DCAF4L2: variants seen among roughly 807,000 people sequenced by gnomAD.
DCAF4L2 encodes DDB1- and CUL4-associated factor 4-like protein 2.
DCAF4L2 carries 13 observed loss-of-function variants against 15.5 expected under a neutral mutation model. The ratio of observed to expected loss-of-function variants is 0.84; its 90% CI spans 0.54 to 1.33. The LOEUF is 1.33. DCAF4L2 is among the 40% of genes most tolerant of loss of function. DCAF4L2 has a pLI of 0.00. For synonymous variants in DCAF4L2, 251 were observed against 207.0 expected, an observed-to-expected ratio of 1.21 and a Z score of -1.83; for missense variants, 519 against 509.6, an observed-to-expected ratio of 1.02 and a Z score of -0.18.
Position 87,873,435 on chromosome 8 carries a change from A to C in DCAF4L2, c.537T>G (p.Ser179Arg). 1 of 1,614,224 alleles carries C rather than the reference A, an allele frequency of 6.2e-7. No individual in the cohort carries two copies. The change falls in exon 1 of 1, where the codon AGT becomes AGG. Residue 179 changes from serine (S) to arginine (R), a missense_variant. Ser to Arg is a moderately radical substitution (Grantham distance 110). Coordinates refer to ENST00000319675, the MANE Select transcript of DCAF4L2 (RefSeq NM_152418.4). ...PGMRRPGMLC[S>R]FQIPDAWSCA... is the part of the protein sequence containing the mutation. ...AGGACCAGGCATCAGGGATCTGGAA[A>C]CTGCAAAGCATGCCAGGCCGACGCA...
rs118036816 is a variant in DCAF4L2, at chr8:87,873,561, G to C, written c.411C>G (p.His137Gln). The change falls in exon 1 of 1, where the codon CAC becomes CAG. Residue 137 changes from histidine (H) to glutamine (Q), a missense_variant. Coordinates refer to ENST00000319675, the MANE Select transcript of DCAF4L2 (RefSeq NM_152418.4). ...VNSMCWASLN[H>Q]LDSHLLLCFV... ...AGCACAGCAGAAGGTGGGAATCCAA[G>C]TGATTCAGTGAGGCCCAGCACATAG... is the stretch of plus-strand genomic sequence containing the variant. 6.1e-5 allele frequency: 99 copies of C among 1,614,074 alleles called. No homozygotes were observed. Among genetic ancestry groups the C allele is most frequent in the Non-Finnish European group, 8.0e-5 (94 of 1,180,058 alleles).
At position 87,873,683 on chromosome 8, in the gene DCAF4L2, A is replaced by G; in HGVS notation, c.289T>C (p.Ser97Pro). The change falls in exon 1 of 1, where the codon TCC (serine) becomes CCC (proline). Residue 97 changes from serine to proline, a missense_variant. Physicochemically the swap from Ser to Pro is moderately conservative, Grantham distance 74. Coordinates refer to ENST00000319675, the MANE Select transcript of DCAF4L2 (RefSeq NM_152418.4). ...CGCATGGTGATGATGCCGTACTTGGAGCCTCCAGCTTCGACTTGGTTCACT... is the reference window on the plus strand; with the variant it reads ...CGCATGGTGATGATGCCGTACTTGGGGCCTCCAGCTTCGACTTGGTTCACT... The part of the protein sequence containing the change: ...FTVNQVEAGG[S>P]KYGIITMRGL... 1 of 1,614,146 alleles carries G rather than the reference A, an allele frequency of 6.2e-7. No individual in the cohort carries two copies. Among genetic ancestry groups the G allele is most frequent in the South Asian group, 1.1e-5 (1 of 91,088 alleles).
Position 87,872,962 on chromosome 8 carries a change from T to C in DCAF4L2, c.1010A>G (p.Tyr337Cys), listed in dbSNP as rs529069612. 8.1e-6 allele frequency: 13 copies of C among 1,614,176 alleles called. No homozygotes were observed. The African/African-American group carries it at 1.7e-4, about 22-fold the overall frequency. Residue 337 changes from tyrosine to cysteine, a missense_variant, in exon 1 of 1, where the codon TAC becomes TGC. Physicochemically the swap from Tyr to Cys is radical, Grantham distance 194. Transcript: ENST00000319675. ...GVVAAVGQDC[Y>C]TRIWSLRHGH... ...ATGACGGAGGCTCCAGATTCTCGTG[T>C]AGCAGTCCTGGCCCACGGCCGCCAC...
chr8:87,873,075 C>G lies in DCAF4L2; in HGVS notation c.897G>C (p.Leu299Phe), dbSNP rs373840760. Residue 299 changes from leucine to phenylalanine, a missense_variant, in exon 1 of 1, where the codon TTG (leucine) becomes TTC (phenylalanine). Coordinates refer to ENST00000319675, the MANE Select transcript of DCAF4L2 (RefSeq NM_152418.4). ...DMTGTIKLWDLRATKCVTQYE... is the reference protein window; with the variant it reads ...DMTGTIKLWDFRATKCVTQYE... ...ACTGTGTTACACATTTAGTGGCCCT[C>G]AAGTCCCACAGCTTGATAGTTCCAG... The G allele has an allele frequency of 5.6e-6, 9 of 1,614,194 alleles. No individual in the cohort carries two copies. Among genetic ancestry groups the G allele is most frequent in the Non-Finnish European group, 7.6e-6 (9 of 1,180,044 alleles).
chr8:87,871,071 C>T lies in DCAF4L2; in HGVS notation c.*1713G>A, dbSNP rs1474666052. The stretch of plus-strand genomic sequence containing the variant: ...TTTCAAAAATCTATGCACCTAACCA[C>T]TCTTTTGTATCTTCTCTATTGACCT... On this transcript the variant is annotated 3_prime_UTR_variant, in exon 1 of 1. Coordinates refer to ENST00000319675, the MANE Select transcript of DCAF4L2 (RefSeq NM_152418.4). 2 of 152,216 alleles carry T rather than the reference C, an allele frequency of 1.3e-5. No individual in the cohort carries two copies. The highest frequency in any genetic ancestry group is 1.9e-4 in the East Asian group (1 of 5,202). The allele number at this position is 152,216 out of a possible 1,614,324, so 9.4% of individuals were successfully genotyped here. A position where few individuals can be genotyped will look rare whatever the true frequency, so the allele number is the denominator to read the frequency against.
In DCAF4L2 at chr8:87,873,868, C is replaced by A; in HGVS notation, c.104G>T (p.Gly35Val). The change falls in exon 1 of 1, where the codon GGT (glycine) becomes GTT (valine). Residue 35 changes from glycine (G) to valine (V), a missense_variant. By Grantham distance (109) the Gly-to-Val change is moderately radical. Coordinates refer to ENST00000319675, the MANE Select transcript of DCAF4L2 (RefSeq NM_152418.4). ...GCAATAGTTGGCGAATCTGAGGAAA[C>A]CTAGCTGGTTCTTTCGTAGCATGGA... is the stretch of plus-strand genomic sequence containing the variant. The part of the protein sequence containing the change: ...APSMLRKNQL[G>V]FLRFANYCRI... 6.2e-7 allele frequency: 1 copy of A among 1,614,110 alleles called. No individual in the cohort carries two copies. Among genetic ancestry groups the A allele is most frequent in the Non-Finnish European group, 8.5e-7 (1 of 1,180,044 alleles).
chr8:87,873,219 A>C lies in DCAF4L2; in HGVS notation c.753T>G (p.Ile251Met), dbSNP rs1396443800. ...NGCRSGEIFG[I>M]DLRCGNQGSG... ...TGCCTTGATTTCCACAGCGCAGATC[A>C]ATGCCAAAGATCTCCCCAGAGCGAC... Residue 251 changes from isoleucine (I) to methionine (M), a missense_variant, in exon 1 of 1, where the codon ATT (isoleucine) becomes ATG (methionine). Coordinates refer to ENST00000319675, the MANE Select transcript of DCAF4L2 (RefSeq NM_152418.4). 13 of 1,614,164 alleles carry C rather than the reference A, an allele frequency of 8.1e-6. No individual in the cohort carries two copies. The highest frequency in any genetic ancestry group is 1.0e-5 in the Non-Finnish European group (12 of 1,180,036).
Position 87,873,137 on chromosome 8 carries a change from G to C in DCAF4L2, c.835C>G (p.Leu279Val), listed in dbSNP as rs146197461. The C allele has an allele frequency of 2.5e-6, 4 of 1,614,074 alleles. No individual in the cohort carries two copies. The highest frequency in any genetic ancestry group is 1.3e-5 in the African/African-American group (1 of 74,918). The change falls in exon 1 of 1, where the codon CTC becomes GTC. Residue 279 changes from leucine (L) to valine (V), a missense_variant. Physicochemically the swap from Leu to Val is conservative, Grantham distance 32. Transcript: ENST00000319675. ...HDSAVTSLQI[L>V]QDGQFLVSSD... The stretch of plus-strand genomic sequence containing the variant: ...GACACCAGGAATTGGCCATCTTGGA[G>C]GATTTGCAGAGAAGTCACTGCTGAA...
Position 87,873,264 on chromosome 8 carries a change from A to G in DCAF4L2, c.708T>C (p.Thr236=), listed in dbSNP as rs200940978. 2.5e-6 allele frequency: 4 copies of G among 1,614,032 alleles called. No individual in the cohort carries two copies. The highest frequency in any genetic ancestry group is 3.4e-6 in the Non-Finnish European group (4 of 1,180,024). The part of the protein sequence containing the change: ...DVLAQQFAIM[T]PLLFNGCRSG... ...AGCGACAGCCATTAAACAGCAAAGG[A>G]GTCATGATTGCAAACTGCTGGGCCA... is the stretch of plus-strand genomic sequence containing the variant. Residue 236 remains threonine, a synonymous_variant, in exon 1 of 1, where the codon ACT becomes ACC. Transcript: ENST00000319675.
rs146916483 is a variant in DCAF4L2, at chr8:87,873,148, G to T, written c.824C>A (p.Ser275Tyr). Reference protein sequence around the residue: ...ICLSHDSAVTSLQILQDGQFL... With the variant: ...ICLSHDSAVTYLQILQDGQFL... ...TTGGCCATCTTGGAGGATTTGCAGA[G>T]AAGTCACTGCTGAATCATGGGACAG... Residue 275 changes from serine to tyrosine, a missense_variant, in exon 1 of 1, where the codon TCT becomes TAT. Transcript: ENST00000319675. 13 of 1,614,072 alleles carry T rather than the reference G, an allele frequency of 8.1e-6. No homozygotes were observed. The highest frequency in any genetic ancestry group is 2.7e-5 in the African/African-American group (2 of 74,920).
Position 87,872,888 on chromosome 8 carries a change from C to T in DCAF4L2, c.1084G>A (p.Asp362Asn). Residue 362 changes from aspartate to asparagine, a missense_variant, in exon 1 of 1, where the codon GAC becomes AAC. Coordinates refer to ENST00000319675, the MANE Select transcript of DCAF4L2 (RefSeq NM_152418.4). Reference protein sequence around the residue: ...IPSPYPASENDIPSVAFSSRL... With the variant: ...IPSPYPASENNIPSVAFSSRL... The stretch of plus-strand genomic sequence containing the variant: ...GAAGAGAAGGCCACACTGGGAATGT[C>T]GTTCTCCGAGGCGGGGTATGGGGAG... The T allele has an allele frequency of 6.2e-7, 1 of 1,614,116 alleles. No individual in the cohort carries two copies. The highest frequency in any genetic ancestry group is 8.5e-7 in the Non-Finnish European group (1 of 1,180,020).
chr8:87,872,617 C>T lies in DCAF4L2; in HGVS notation c.*167G>A, dbSNP rs773078419. 3 of 633,086 alleles carry T rather than the reference C, an allele frequency of 4.7e-6. No homozygotes were observed. The highest frequency in any genetic ancestry group is 7.5e-6 in the Non-Finnish European group (3 of 398,888). The allele number at this position is 633,086 out of a possible 1,614,324, so 39.2% of individuals were successfully genotyped here. A position where few individuals can be genotyped will look rare whatever the true frequency, so the allele number is the denominator to read the frequency against. ...TCTCAGCCCAGTTTAACTGAAACAA[C>T]TTTACAGAACTATCTTCACATAAAA... is the stretch of plus-strand genomic sequence containing the variant. On this transcript the variant is annotated 3_prime_UTR_variant, in exon 1 of 1. Transcript: ENST00000319675.
At position 87,871,943 on chromosome 8, in the gene DCAF4L2, T is replaced by C. The variant is rs907861227; in HGVS notation, c.*841A>G. 2 of 157,644 alleles carry C rather than the reference T, an allele frequency of 1.3e-5. No homozygotes were observed. The highest frequency in any genetic ancestry group is 4.8e-5 in the African/African-American group (2 of 41,450). 9.8% of individuals were successfully genotyped at this position (157,644 alleles called of 1,614,324 possible). On this transcript the variant is annotated 3_prime_UTR_variant, in exon 1 of 1. Transcript: ENST00000319675. ...CTTTATTACACGTTTTTTTGTTTTT[T>C]GTTTTTTTTGTCTTTTCTAGCTTAT...
In DCAF4L2 at chr8:87,871,373, A is replaced by C. The variant is rs1012220617; in HGVS notation, c.*1411T>G. 5.1e-5 allele frequency: 8 copies of C among 155,802 alleles called. No individual in the cohort carries two copies. Among genetic ancestry groups the C allele is most frequent in the African/African-American group, 1.9e-4 (8 of 41,434 alleles). 9.7% of individuals were successfully genotyped at this position (155,802 alleles called of 1,614,324 possible). ...AATACTACCTTCGAATGATCTTCCA[A>C]TGCAATCATTTCTGATTTTTCTGAT... On this transcript the variant is annotated 3_prime_UTR_variant, in exon 1 of 1. Transcript: ENST00000319675.
In DCAF4L2 at chr8:87,873,966, C is replaced by G. The variant is rs147762370; in HGVS notation, c.6G>C (p.Glu2Asp). The part of the protein sequence containing the change: M[E>D]SKRPRLLEEA... ...CCTCGAGCAGTCGCGGTCTTTTGCT[C>G]TCCATTTCGTTCGGCGGATGTTCTC... Residue 2 changes from glutamate (E) to aspartate (D), a missense_variant, in exon 1 of 1, where the codon GAG becomes GAC. Physicochemically the swap from Glu to Asp is conservative, Grantham distance 45. Coordinates refer to ENST00000319675, the MANE Select transcript of DCAF4L2 (RefSeq NM_152418.4). The G allele has an allele frequency of 2.2e-5, 36 of 1,613,180 alleles. No individual in the cohort carries two copies. The highest frequency in any genetic ancestry group is 2.1e-4 in the African/African-American group (16 of 74,856).
Position 87,872,902 on chromosome 8 carries a change from G to A in DCAF4L2, c.1070C>T (p.Pro357Leu). 6.2e-7 allele frequency: 1 copy of A among 1,614,166 alleles called. No homozygotes were observed. The highest frequency in any genetic ancestry group is 8.5e-7 in the Non-Finnish European group (1 of 1,180,016). ...HLLTTIPSPYPASENDIPSVA... is the reference protein window; with the variant it reads ...HLLTTIPSPYLASENDIPSVA... ...ACTGGGAATGTCGTTCTCCGAGGCG[G>A]GGTATGGGGAGGGTATGGTTGTGAG... Residue 357 changes from proline to leucine, a missense_variant, in exon 1 of 1, where the codon CCC (proline) becomes CTC (leucine). Pro to Leu is a moderately conservative substitution (Grantham distance 98). Transcript: ENST00000319675.
rs756187412 is a variant in DCAF4L2, at chr8:87,874,003, G to A, written c.-32C>T. The A allele has an allele frequency of 2.2e-5, 36 of 1,601,008 alleles. No individual in the cohort carries two copies. The Admixed American group carries it at 5.7e-4, about 26-fold the overall frequency. On this transcript the variant is annotated 5_prime_UTR_variant, in exon 1 of 1. Transcript: ENST00000319675. ...CGGCGGATGTTCTCCCTCCTGAGGG[G>A]AAGTTCTGTCCCGGGAGTAAGAGGA...
At position 87,872,632 on chromosome 8, in the gene DCAF4L2, T is replaced by G. The variant is rs911762259; in HGVS notation, c.*152A>C. On this transcript the variant is annotated 3_prime_UTR_variant, in exon 1 of 1. Transcript: ENST00000319675. ...ACTGAAACAACTTTACAGAACTATC[T>G]TCACATAAAACAGCACCTTACCCCT... 2.3e-4 allele frequency: 168 copies of G among 737,004 alleles called. No individual in the cohort carries two copies. The highest frequency in any genetic ancestry group is 2.7e-4 in the Non-Finnish European group (128 of 477,612). The allele number at this position is 737,004 out of a possible 1,614,324, so 45.7% of individuals were successfully genotyped here. A position where few individuals can be genotyped will look rare whatever the true frequency, so the allele number is the denominator to read the frequency against.
Position 87,873,885 on chromosome 8 carries a change from T to G in DCAF4L2, c.87A>C (p.Leu29=). ...VRVGLNAPSM[L]RKNQLGFLRF... ...TGAGGAAACCTAGCTGGTTCTTTCG[T>G]AGCATGGAAGGTGCATTGAGTCCCA... The change falls in exon 1 of 1, where the codon CTA becomes CTC. Residue 29 remains leucine, a synonymous_variant. Transcript: ENST00000319675. The G allele has an allele frequency of 6.2e-7, 1 of 1,614,120 alleles. No individual in the cohort carries two copies. The highest frequency in any genetic ancestry group is 1.1e-5 in the South Asian group (1 of 91,082).
Sources: gnomAD v4.1 joint callset for allele counts on GRCh38, gnomAD v4.1.1 for gene constraint, MANE v1.5 for transcripts, NCBI Gene and HGNC (gene_info 2026-07-23, HGNC 2026-07-21) for gene names.